DMD: variants seen among roughly 807,000 people sequenced by gnomAD.
The protein encoded by DMD is mutant dystrophin.
In DMD, 63 loss-of-function variants were observed where a neutral mutation model predicts 330.1. That is an observed-to-expected ratio of 0.19 (90% CI 0.16 to 0.24). DMD has a LOEUF of 0.24. DMD is among the 10% of genes least tolerant of loss of function. DMD has a pLI of 1.00. For missense variants in DMD, 3,344 were observed against 2,684.1 expected, an observed-to-expected ratio of 1.25 and a Z score of -5.43; for synonymous variants, 1,223 against 959.8, an observed-to-expected ratio of 1.27 and a Z score of -5.07.
intron 25 of DMD, among the ~76,000 whole-genome samples, chrX:32,460,933 T>G (rs2098381172): frequency 8.9e-6 from 1 of 111,869 alleles, no homozygotes; most frequent in African/African-American, 3.2e-5. Flanking sequence ...GTAACTACAA[T>G]GTCTATTTTA....
chrX:32,329,693 A>G lies in DMD; in HGVS notation c.5922+12407T>C, dbSNP rs778777028. ...TCACAGATGGAGTTATATGTTATAG[A>G]TAACTGTATTTGTTAGGTAATTCAT... On this transcript the variant is annotated intron_variant, in intron 41 of 78. Coordinates refer to ENST00000357033, the MANE Select transcript of DMD (RefSeq NM_004006.3). Among the ~76,000 whole-genome samples the G allele has an allele frequency of 1.2e-4, 13 of 112,662 alleles. No individual in the cohort carries two copies. The East Asian group carries it at 2.5e-3, about 22-fold the overall frequency.
intron 29 of DMD, among the ~76,000 whole-genome samples, chrX:32,424,101 A>T (rs2098201815): frequency 9.0e-6 from 1 of 110,995 alleles, no homozygotes; most frequent in African/African-American, 3.3e-5. Flanking sequence ...CCATTTATTC[A>T]ATTAATATTA....
chrX:32,371,861 C>T (rs957794177), intron 34 of DMD, among the ~76,000 whole-genome samples: 2 of 111,518 alleles, frequency 1.8e-5, no homozygotes, highest in African/African-American at 3.3e-5. Context: ...GTGATAGATA[C>T]ACACGGGTTT....
At chrX:32,102,457 C>T (rs1390292915) in intron 44 of DMD, among the ~76,000 whole-genome samples, 1 of 111,021 alleles carries the variant, frequency 9.0e-6, no homozygotes, top group Admixed American at 9.6e-5. Context: ...AATGACTTTA[C>T]TTAAATAAGT....
chrX:31,934,047 T>C (rs1157529541), intron 45 of DMD, among the ~76,000 whole-genome samples: 3 of 111,267 alleles, frequency 2.7e-5, no homozygotes, highest in East Asian at 5.6e-4. Flanking sequence ...ATTAAAGATA[T>C]ATACGTTATA....
intron 46 of DMD, among the ~76,000 whole-genome samples, chrX:31,930,556 A>G (rs1324684420): frequency 8.9e-6 from 1 of 111,953 alleles, no homozygotes; most frequent in Non-Finnish European, 1.9e-5. Context: ...ATACAACGCT[A>G]TTAACATTCA....
At chrX:32,050,110 G>A (rs1433802389) in intron 44 of DMD, among the ~76,000 whole-genome samples, 1 of 111,467 alleles carries the variant, frequency 9.0e-6, no homozygotes, top group Non-Finnish European at 1.9e-5. Context: ...ACACACTAAA[G>A]ACAATTATGC....
intron 1 of DMD, among the ~76,000 whole-genome samples, chrX:33,320,329 G>T (rs1330794710): frequency 9.0e-6 from 1 of 111,595 alleles, no homozygotes; most frequent in Non-Finnish European, 1.9e-5. Flanking sequence ...GAGGGTAAAA[G>T]TTGAATGAAT....
intron 1 of DMD, among the ~76,000 whole-genome samples, chrX:33,285,579 T>G (rs1490200392): frequency 2.7e-5 from 3 of 111,698 alleles, no homozygotes; most frequent in Non-Finnish European, 5.6e-5. Flanking sequence ...AGTCCATAAT[T>G]TTTCTCCCTT....
At chrX:31,212,158 A>ATGTGTG (rs1463232645) in intron 64 of DMD, among the ~76,000 whole-genome samples, 16 of 78,117 alleles carry the variant, frequency 2.0e-4, no homozygotes, top group African/African-American at 7.9e-4. Flanking sequence ...ATATATATAT[A>ATGTGTG]TATATATATG....
chrX:31,973,969 C>T (rs910470324), intron 44 of DMD, among the ~76,000 whole-genome samples: 1 of 111,612 alleles, frequency 9.0e-6, no homozygotes, highest in Non-Finnish European at 1.9e-5. Context: ...ATAAAAAGGT[C>T]CTGTCTTGTG....
chrX:32,676,875 A>G (rs1236160188), intron 9 of DMD, among the ~76,000 whole-genome samples: 2 of 111,530 alleles, frequency 1.8e-5, no homozygotes, highest in East Asian at 5.6e-4. Context: ...TTAGAATATT[A>G]TTTCCTATCT....
intron 1 of DMD, among the ~76,000 whole-genome samples, chrX:33,299,486 C>T (rs761619292): frequency 9.0e-6 from 1 of 111,423 alleles, no homozygotes; most frequent in Admixed American, 9.6e-5. Flanking sequence ...TTCAAAGGGG[C>T]CATAAACTTG....
chrX:31,323,579 T>C lies in DMD; in HGVS notation c.9224+19A>G. ...GTCACAATAAATGCTCTTTTAAAAA[T>C]GTGATACTTCCAACTTACTTGATAT... On this transcript the variant is annotated intron_variant, in intron 62 of 78. Coordinates refer to ENST00000357033, the MANE Select transcript of DMD (RefSeq NM_004006.3). The C allele has an allele frequency of 8.4e-7, 1 of 1,190,032 alleles. No individual in the cohort carries two copies. The highest frequency in any genetic ancestry group is 1.8e-5 in the South Asian group (1 of 56,012).
At chrX:31,965,125 G>A (rs758319545) in intron 45 of DMD, among the ~76,000 whole-genome samples, 1 of 111,445 alleles carries the variant, frequency 9.0e-6, no homozygotes, top group Non-Finnish European at 1.9e-5. Flanking sequence ...TCCATTGCTT[G>A]AAGGCCTGGC....
chrX:31,370,869 G>A (rs2148653061), intron 60 of DMD, among the ~76,000 whole-genome samples: 1 of 112,179 alleles, frequency 8.9e-6, no homozygotes, highest in South Asian at 3.7e-4. Context: ...AAGTCTTGCT[G>A]CATATAAAAA....
intron 42 of DMD, among the ~76,000 whole-genome samples, chrX:32,292,458 C>A (rs1347839627): frequency 9.3e-6 from 1 of 108,014 alleles, no homozygotes; most frequent in African/African-American, 3.4e-5. Flanking sequence ...TAGGCGCCCA[C>A]CACCACGCCT....
intron 9 of DMD, among the ~76,000 whole-genome samples, chrX:32,690,279 A>C (rs1319238044): frequency 1.8e-5 from 2 of 111,301 alleles, no homozygotes; most frequent in African/African-American, 6.5e-5. Flanking sequence ...AGCACCAAAA[A>C]GAAAACAGTA....
intron 11 of DMD, among the ~76,000 whole-genome samples, chrX:32,617,151 T>C (rs148027375): frequency 2.6e-4 from 29 of 110,785 alleles, no homozygotes; most frequent in African/African-American, 9.5e-4. Flanking sequence ...CAAGTAGTAC[T>C]ACATTAGAAA....
Sources: allele counts gnomAD v4.1 joint callset (sites outside exome capture counted in the v4.1 genomes callset), GRCh38; gene constraint gnomAD v4.1.1; transcripts MANE v1.5; gene names NCBI Gene and HGNC (gene_info 2026-07-23, HGNC 2026-07-21).